The following GGA3 variants were observed in gnomAD, a reference collection of about 807,000 sequenced individuals.
GGA3 encodes the protein ADP-ribosylation factor-binding protein GGA3.
A neutral mutation model predicts 77.5 loss-of-function variants in GGA3; 57 were observed. The observed-to-expected ratio is 0.74, with a 90% CI of 0.59 to 0.92. The LOEUF (loss-of-function observed/expected upper bound fraction) is 0.92, where lower values mean the gene tolerates loss of function less well. GGA3 is among the 40% of genes least tolerant of loss of function. The pLI is 0.00. For missense variants in GGA3, 970 were observed against 914.9 expected, an observed-to-expected ratio of 1.06 and a Z score of -0.78; for synonymous variants, 416 against 383.7, an observed-to-expected ratio of 1.08 and a Z score of -0.98.
At chr17:75,258,998 G>A (rs1442841533) in intron 1 of GGA3, among the ~76,000 whole-genome samples, 1 of 149,110 alleles carries the variant, frequency 6.7e-6, no homozygotes, top group Non-Finnish European at 1.5e-5. Flanking sequence ...CTGTCACCGA[G>A]GCTGGAGTGC....
chr17:75,245,991 T>C lies in GGA3; in HGVS notation c.201+518A>G, dbSNP rs543008981. 3.3e-5 allele frequency among the ~76,000 whole-genome samples: 5 copies of C among 152,348 alleles called. No individual in the cohort carries two copies. In the South Asian group the frequency reaches 8.3e-4, roughly 25 times the overall value. On this transcript the variant is annotated intron_variant, in intron 3 of 16. Coordinates refer to ENST00000537686, the MANE Select transcript of GGA3 (RefSeq NM_138619.4). ...TTGTTTTCGGAGCATGTGGAGGCAC[T>C]GAGGGCCAGGCACCATTCCACACCT...
chr17:75,243,284 C>G (rs1197424032), intron 5 of GGA3, 118 bp from the exon 6 acceptor site: 2 of 1,098,704 alleles, frequency 1.8e-6, no homozygotes, highest in Admixed American at 2.1e-5. Flanking sequence ...GGGTGGAGGG[C>G]AGGCTGCTAC....
chr17:75,250,586 AATC>A (rs2076927363), intron 1 of GGA3, among the ~76,000 whole-genome samples: 1 of 151,340 alleles, frequency 6.6e-6, no homozygotes, highest in Non-Finnish European at 1.5e-5. Flanking sequence ...AACATGGTGA[AATC>A]CTGTCTCTAC....
At chr17:75,261,691 C>T (rs2145628847), upstream of GGA3, 2 of 1,240,022 alleles carry the variant, frequency 1.6e-6, no homozygotes, top group East Asian at 5.1e-5. Flanking sequence ...GTGCCGTCAC[C>T]GAGGGCCGCG....
chr17:75,237,885 G>GGAATGACCCATGACA lies in GGA3; in HGVS notation c.*379_*393dup. ...AGGTGTGAGGATGTGGCTCTTGTGG[G>GGAATGACCCATGACA]GAATGACCCATGACAGTCTCTCTTT... On this transcript the variant is annotated 3_prime_UTR_variant, in exon 17 of 17. Transcript: ENST00000537686. 1 of 1,380,028 alleles carries GGAATGACCCATGACA rather than the reference G, an allele frequency of 7.2e-7. No individual in the cohort carries two copies. 85.5% of individuals were successfully genotyped at this position (1,380,028 alleles called of 1,614,324 possible).
intron 1 of GGA3, among the ~76,000 whole-genome samples, chr17:75,259,383 C>T (rs2077267815): frequency 6.6e-6 from 1 of 152,102 alleles, no homozygotes; most frequent in Non-Finnish European, 1.5e-5. Context: ...CTGAAGTCAT[C>T]AAGAGATGGT....
chr17:75,256,336 T>C (rs1175713340), intron 1 of GGA3, among the ~76,000 whole-genome samples: 5 of 152,142 alleles, frequency 3.3e-5, no homozygotes, highest in Non-Finnish European at 5.9e-5. Context: ...CTGATGCATA[T>C]ACTTTCTGCT....
chr17:75,256,504 C>T (rs1339424510), intron 1 of GGA3, among the ~76,000 whole-genome samples: 1 of 152,022 alleles, frequency 6.6e-6, no homozygotes, highest in Non-Finnish European at 1.5e-5. Context: ...CCCATTTCCC[C>T]ATATTTCCTT....
At chr17:75,248,321 G>C (rs1029997764) in intron 1 of GGA3, among the ~76,000 whole-genome samples, 2 of 150,312 alleles carry the variant, frequency 1.3e-5, no homozygotes, top group African/African-American at 2.4e-5. Context: ...AATACAAAAA[G>C]TTAGCTGGGC....
chr17:75,258,952 C>CT (rs1189517940), intron 1 of GGA3, among the ~76,000 whole-genome samples: 1,467 of 131,332 alleles, frequency 0.011, 20 homozygotes, highest in Middle Eastern at 0.04. Flanking sequence ...TGCCTTGTAT[C>CT]TTTTTTTTTT....
rs557659244 is a variant in GGA3 at position 75,236,656 on chromosome 17, A to C, written c.*1623T>G. 1 of 152,864 alleles carries C rather than the reference A, an allele frequency of 6.5e-6. No homozygotes were observed. Among genetic ancestry groups the C allele is most frequent in the South Asian group, 2.1e-4 (1 of 4,830 alleles). 9.5% of individuals were successfully genotyped at this position (152,864 alleles called of 1,614,324 possible). On this transcript the variant is annotated 3_prime_UTR_variant, in exon 17 of 17. Coordinates refer to ENST00000537686, the MANE Select transcript of GGA3 (RefSeq NM_138619.4). The stretch of plus-strand genomic sequence containing the variant: ...AAAACAAGGGCAGCAGAGCTGGGAT[A>C]TCCAGTACAGCCATTTGCCACGAAG...
rs765537822 is a variant in GGA3 at position 75,242,881 on chromosome 17, G to A, written c.559C>T (p.Pro187Ser). The A allele has an allele frequency of 1.2e-6, 2 of 1,613,964 alleles. No individual in the cohort carries two copies. The highest frequency in any genetic ancestry group is 2.2e-5 in the East Asian group (1 of 44,886). ...TTGTTGGCCTCCTGCAGGTCATCTG[G>A]GTTTTTGCTTTTCAGCAGCTTGGCT... ...LLAKLLKSKN[P>S]DDLQEANKLI... is the part of the protein sequence containing the mutation. The change falls in exon 7 of 17, where the codon CCA becomes TCA. Residue 187 changes from proline (P) to serine (S), a missense_variant. By Grantham distance (74) the Pro-to-Ser change is moderately conservative. Transcript: ENST00000537686.
At chr17:75,259,716 G>A (rs1010627986) in intron 1 of GGA3, among the ~76,000 whole-genome samples, 3 of 152,276 alleles carry the variant, frequency 2.0e-5, no homozygotes, top group South Asian at 2.1e-4. Context: ...TGACAAGGAC[G>A]CTGACTGAGA....
At position 75,240,936 on chromosome 17, in the gene GGA3, G is replaced by T; in HGVS notation, c.1068C>A (p.Leu356=). The change falls in exon 11 of 17, where the codon CTC becomes CTA. Residue 356 remains leucine, a synonymous_variant. Coordinates refer to ENST00000537686, the MANE Select transcript of GGA3 (RefSeq NM_138619.4). Reference sequence around the variant, plus strand: ...GTCCTGAGGCCTGGGGTGGTGGAGGGAGGATTGGGATGCCTGAGGAGGGTG... The same window carrying T: ...GTCCTGAGGCCTGGGGTGGTGGAGGTAGGATTGGGATGCCTGAGGAGGGTG... The part of the protein sequence containing the change: ...PTPPSSGIPI[L]PPPPQASGPP... 1 of 1,613,922 alleles carries T rather than the reference G, an allele frequency of 6.2e-7. No homozygotes were observed. Among genetic ancestry groups the T allele is most frequent in the Non-Finnish European group, 8.5e-7 (1 of 1,179,942 alleles).
At chr17:75,253,849 A>G (rs1567802659) in intron 1 of GGA3, among the ~76,000 whole-genome samples, 1 of 151,836 alleles carries the variant, frequency 6.6e-6, no homozygotes, top group Non-Finnish European at 1.5e-5. Flanking sequence ...CTTCTCCCTT[A>G]GCCTGTGTTC....
At chr17:75,260,251 C>T (rs1232607415) in intron 1 of GGA3, among the ~76,000 whole-genome samples, 1 of 152,214 alleles carries the variant, frequency 6.6e-6, no homozygotes, top group East Asian at 1.9e-4. Context: ...ACCTTCAAAG[C>T]AAACTAATTC....
chr17:75,243,314 C>T (rs933961181), intron 5 of GGA3, 133 bp downstream of exon 5: 56 of 1,252,410 alleles, frequency 4.5e-5, no homozygotes, highest in South Asian at 9.3e-5. Context: ...CATCCAACTC[C>T]GACTCAGCCT....
Position 75,237,728 on chromosome 17 carries a change from C to T in GGA3, c.*551G>A. On this transcript the variant is annotated 3_prime_UTR_variant, in exon 17 of 17. Transcript: ENST00000537686. ...ACCAGAGGCAGGGCTGGGGACTTTG[C>T]AGTATGCCAGTTCCTTATTCTGGGC... 1.4e-6 allele frequency: 2 copies of T among 1,437,300 alleles called. No individual in the cohort carries two copies. The highest frequency in any genetic ancestry group is 2.5e-5 in the East Asian group (1 of 39,930). 89.0% of individuals were successfully genotyped at this position (1,437,300 alleles called of 1,614,324 possible).
At position 75,242,490 on chromosome 17, in the gene GGA3, G is replaced by A. The variant is rs117241435; in HGVS notation, c.610-17C>T. The A allele has an allele frequency of 4.3e-5, 70 of 1,614,112 alleles. No homozygotes were observed. The East Asian group carries it at 1.3e-3, about 30-fold the overall frequency. ...TGCCTCGTCCTGCCCCAGTGAAGAA[G>A]TTCAAGAGAAAGAGAGCGTCACTTG... On this transcript the variant is annotated splice_polypyrimidine_tract_variant and intron_variant, in intron 7 of 16. Coordinates refer to ENST00000537686, the MANE Select transcript of GGA3 (RefSeq NM_138619.4).
Sources: allele counts gnomAD v4.1 joint callset (sites outside exome capture counted in the v4.1 genomes callset), GRCh38; gene constraint gnomAD v4.1.1; transcripts MANE v1.5; gene names NCBI Gene and HGNC (gene_info 2026-07-23, HGNC 2026-07-21).